Variants in MYCBP2 observed in about 807,000 individuals in gnomAD.
MYCBP2 encodes E3 ubiquitin-protein ligase MYCBP2.
MYCBP2 carries 120 observed loss-of-function variants against 525.3 expected under a neutral mutation model. The observed-to-expected ratio is 0.23, with a 90% confidence interval of 0.20 to 0.27. The LOEUF is 0.27. Ranked by LOEUF, MYCBP2 falls within the 10% of genes least tolerant of loss-of-function variation. MYCBP2 has a pLI of 1.00. For missense variants in MYCBP2, 4,149 were observed against 5,657.1 expected, an observed-to-expected ratio of 0.73 and a Z score of 8.55; for synonymous variants, 1,894 against 1,955.8, an observed-to-expected ratio of 0.97 and a Z score of 0.83.
chr13:77,214,699 A>G (rs2064551941), intron 21 of MYCBP2, among the ~76,000 whole-genome samples: 1 of 150,190 alleles, frequency 6.7e-6, no homozygotes, highest in Non-Finnish European at 1.5e-5. Flanking sequence ...CCTAGACGGT[A>G]TATCTACTAC....
intron 26 of MYCBP2, among the ~76,000 whole-genome samples, chr13:77,196,035 G>A (rs781293774): frequency 1.3e-5 from 2 of 152,228 alleles, no homozygotes; most frequent in Non-Finnish European, 2.9e-5. Flanking sequence ...GCTATTGGGA[G>A]TAAGTCTATG....
chr13:77,115,129 G>A (rs2049496877), intron 55 of MYCBP2, among the ~76,000 whole-genome samples: 1 of 151,900 alleles, frequency 6.6e-6, no homozygotes, highest in Admixed American at 6.6e-5. Flanking sequence ...TTAAATTGAT[G>A]AAATGGTAAT....
At chr13:77,143,904 G>A (rs567242787) in intron 49 of MYCBP2, among the ~76,000 whole-genome samples, 28 of 152,328 alleles carry the variant, frequency 1.8e-4, no homozygotes, top group African/African-American at 5.5e-4. Flanking sequence ...AAAGGTACAG[G>A]AAAATCTTAT....
chr13:77,083,493 G>C (rs1427705915), intron 62 of MYCBP2, among the ~76,000 whole-genome samples: 1 of 152,074 alleles, frequency 6.6e-6, no homozygotes, highest in Non-Finnish European at 1.5e-5. Flanking sequence ...TATGTGTAGT[G>C]TGTGTGCATA....
chr13:77,176,840 T>C (rs1237337529), intron 35 of MYCBP2, among the ~76,000 whole-genome samples: 1 of 152,196 alleles, frequency 6.6e-6, no homozygotes, highest in East Asian at 1.9e-4. Flanking sequence ...AATAAGCTTT[T>C]CTCATCTGAT....
At chr13:77,197,831 C>T (rs1315010812) in intron 26 of MYCBP2, among the ~76,000 whole-genome samples, 1 of 152,094 alleles carries the variant, frequency 6.6e-6, no homozygotes, top group Non-Finnish European at 1.5e-5. Flanking sequence ...GGCCTTAGCC[C>T]ACTCACTGGA....
intron 14 of MYCBP2, among the ~76,000 whole-genome samples, chr13:77,251,590 C>T (rs1476677351): frequency 2.6e-5 from 4 of 152,176 alleles, no homozygotes; most frequent in Admixed American, 1.3e-4. Flanking sequence ...TGTCTCTTGG[C>T]TGTTACCTTC....
At chr13:77,079,846 C>T (rs2042990319) in intron 65 of MYCBP2, among the ~76,000 whole-genome samples, 1 of 152,066 alleles carries the variant, frequency 6.6e-6, no homozygotes, top group Admixed American at 6.5e-5. Context: ...TTTGGATTTT[C>T]AGATTTGGAA....
intron 17 of MYCBP2, among the ~76,000 whole-genome samples, chr13:77,235,854 A>G (rs1211638087): frequency 3.3e-5 from 5 of 152,124 alleles, no homozygotes; most frequent in Non-Finnish European, 7.4e-5. Flanking sequence ...ACCACATAAG[A>G]TGAGGTCAAA....
intron 1 of MYCBP2, among the ~76,000 whole-genome samples, chr13:77,304,165 A>G (rs563637907): frequency 6.6e-6 from 1 of 152,300 alleles, no homozygotes; most frequent in South Asian, 2.1e-4. Flanking sequence ...TGTTGAAAAG[A>G]TTCAGAACTC....
Position 77,089,027 on chromosome 13 carries a change from A to T in MYCBP2, c.10530T>A (p.Val3510=). The change falls in exon 61 of 83, where the codon GTT becomes GTA. Residue 3510 remains valine (V), a synonymous_variant. Transcript: ENST00000544440. ...RRRVNSGDTE[V]GSSLLRHPSP... ...ACGGATGTCTCAAAAGGGAAGAACC[A>T]ACTTCTATTAAAGAAAAAGAAAATT... 1 of 1,605,822 alleles carries T rather than the reference A, an allele frequency of 6.2e-7. No individual in the cohort carries two copies. Among genetic ancestry groups the T allele is most frequent in the Non-Finnish European group, 8.5e-7 (1 of 1,176,770 alleles).
At chr13:77,197,125 A>C (rs904080761) in intron 26 of MYCBP2, among the ~76,000 whole-genome samples, 2 of 152,214 alleles carry the variant, frequency 1.3e-5, no homozygotes, top group East Asian at 1.9e-4. Flanking sequence ...CTGAGGCTTG[A>C]CTATTGAATT....
At chr13:77,140,258 C>T (rs1198732998) in intron 50 of MYCBP2, 95 bp from the exon 51 acceptor site, 7 of 700,706 alleles carry the variant, frequency 1.0e-5, no homozygotes, top group African/African-American at 1.8e-5. Context: ...TTGAAAGTAT[C>T]GTAATTCTTA....
At chr13:77,293,834 C>T (rs2077745696) in intron 2 of MYCBP2, among the ~76,000 whole-genome samples, 1 of 151,982 alleles carries the variant, frequency 6.6e-6, no homozygotes, top group African/African-American at 2.4e-5. Context: ...CAGATTCCCT[C>T]CTAGAGCCTC....
At chr13:77,146,005 C>T (rs2055475940) in intron 48 of MYCBP2, among the ~76,000 whole-genome samples, 157 bp downstream of exon 48, 1 of 151,682 alleles carries the variant, frequency 6.6e-6, no homozygotes, top group African/African-American at 2.4e-5. Flanking sequence ...ATTCTTTCTG[C>T]AAATCTATAC....
At chr13:77,243,668 G>A (rs1211282532) in intron 16 of MYCBP2, 138 bp downstream of exon 16, 1 of 669,252 alleles carries the variant, frequency 1.5e-6, no homozygotes, top group Non-Finnish European at 2.3e-6. Context: ...CATATTGTCA[G>A]TTACCGTAAA....
intron 32 of MYCBP2, 22 bp from the exon 33 acceptor site, chr13:77,181,944 C>T (rs771369627): frequency 4.4e-6 from 7 of 1,578,358 alleles, no homozygotes; most frequent in East Asian, 2.2e-5. Flanking sequence ...AAAAATATGG[C>T]CCCCCAACCA....
chr13:77,262,280 T>A, intron 10 of MYCBP2, 151 bp from the exon 11 acceptor site: 1 of 568,664 alleles, frequency 1.8e-6, no homozygotes, highest in Non-Finnish European at 3.0e-6. Context: ...TTAAAAATAT[T>A]AACCATAGGT....
chr13:77,174,899 C>CTATATA (rs1343545118), intron 36 of MYCBP2, among the ~76,000 whole-genome samples: 1 of 964 alleles, frequency 1.0e-3, no homozygotes, highest in African/African-American at 2.9e-3. Context: ...ATTAGCCATA[C>CTATATA]TATATATATA....
Sources: gnomAD v4.1 joint callset for allele counts (sites outside exome capture counted in the v4.1 genomes callset) on GRCh38, gnomAD v4.1.1 for gene constraint, MANE v1.5 for transcripts, NCBI Gene and HGNC (gene_info 2026-07-23, HGNC 2026-07-21) for gene names.